Variants in FHIT observed in about 807,000 individuals in gnomAD.
FHIT encodes the protein bis(5'-adenosyl)-triphosphatase.
A neutral mutation model predicts 17.9 loss-of-function variants in FHIT; 19 were observed. The observed-to-expected ratio is 1.06, with a 90% confidence interval of 0.74 to 1.56. The LOEUF (loss-of-function observed/expected upper bound fraction) is 1.56, where lower values mean the gene tolerates loss of function less well. Among genes scored for constraint, FHIT ranks in the 40% most tolerant of loss-of-function variants. FHIT has a pLI of 0.00. For missense variants in FHIT, 248 were observed against 189.2 expected (o/e 1.31, Z -1.82); for synonymous variants, 81 against 69.7 (o/e 1.16, Z -0.81).
intron 4 of FHIT, among the ~76,000 whole-genome samples, chr3:60,584,690 A>G (rs1553661041): frequency 1.3e-5 from 2 of 152,050 alleles, no homozygotes; most frequent in Non-Finnish European, 2.9e-5. Context: ...ACAAAAGGAA[A>G]GAAGTTACAA....
chr3:60,643,436 CA>C (rs1265502016), intron 4 of FHIT, among the ~76,000 whole-genome samples: 1 of 152,062 alleles, frequency 6.6e-6, no homozygotes, highest in East Asian at 1.9e-4. Context: ...AAAGAACCTG[CA>C]TAGACAAAGC....
intron 4 of FHIT, among the ~76,000 whole-genome samples, chr3:60,701,297 C>A (rs373591882): frequency 6.6e-5 from 10 of 151,938 alleles, no homozygotes; most frequent in African/African-American, 2.4e-4. Flanking sequence ...CCAGTGGGTT[C>A]TCCTTGCCTA....
chr3:60,701,464 G>A (rs997762947), intron 4 of FHIT, among the ~76,000 whole-genome samples: 4 of 152,232 alleles, frequency 2.6e-5, no homozygotes, highest in Non-Finnish European at 5.9e-5. Context: ...GAATAATGTG[G>A]TGGATAGGGG....
At chr3:60,595,561 A>ATG (rs1368281165) in intron 4 of FHIT, among the ~76,000 whole-genome samples, 6 of 151,266 alleles carry the variant, frequency 4.0e-5, no homozygotes, top group Non-Finnish European at 5.9e-5. Flanking sequence ...ATATGGACAT[A>ATG]TGTGTATATA....
At chr3:60,948,139 C>T (rs1708717656) in intron 3 of FHIT, among the ~76,000 whole-genome samples, 1 of 152,184 alleles carries the variant, frequency 6.6e-6, no homozygotes, top group African/African-American at 2.4e-5. Context: ...ATTGTCCTCA[C>T]TTAGACCAGG....
rs147240591 is a variant in FHIT, at chr3:59,943,658, C to A, written c.280-21244G>T. Among the ~76,000 whole-genome samples the A allele has an allele frequency of 2.5e-3, 377 of 152,262 alleles. 2 individuals are homozygous for A. Among genetic ancestry groups the A allele is most frequent in the African/African-American group, 8.5e-3 (355 of 41,552 alleles). On this transcript the variant is annotated intron_variant, in intron 7 of 9. Coordinates refer to ENST00000492590, the MANE Select transcript of FHIT (RefSeq NM_002012.4). ...AAGACTTTGCTACTCTCTCAAGTAC[C>A]AAGAACAGCCTTGGAGTGGAAGAAA...
chr3:60,774,391 C>T lies in FHIT; in HGVS notation c.-18+47528G>A, dbSNP rs190489677. 8.7e-4 allele frequency among the ~76,000 whole-genome samples: 132 copies of T among 152,286 alleles called. 2 individuals are homozygous for T. In the South Asian group the frequency reaches 0.026, roughly 30 times the overall value. On this transcript the variant is annotated intron_variant, in intron 4 of 9. Transcript: ENST00000492590. ...TCTCAGCTCACTGCAACCTCTGCCTCTCGCGTTCATGCAATTGTCCTGCCT... is the reference window on the plus strand; with the variant it reads ...TCTCAGCTCACTGCAACCTCTGCCTTTCGCGTTCATGCAATTGTCCTGCCT...
intron 3 of FHIT, among the ~76,000 whole-genome samples, chr3:60,834,549 T>C (rs529777233): frequency 2.6e-5 from 4 of 152,262 alleles, no homozygotes; most frequent in African/African-American, 4.8e-5. Flanking sequence ...CCTGTAGTTA[T>C]TCTTTTCATT....
In FHIT at chr3:60,439,789, A is replaced by G. The variant is rs1025351335; in HGVS notation, c.103+97071T>C. ...CATATATCATTTTAGAACGGAAGGAATATTCCAGACTTGCTGCTCAAGAAA... is the reference window on the plus strand; with the variant it reads ...CATATATCATTTTAGAACGGAAGGAGTATTCCAGACTTGCTGCTCAAGAAA... On this transcript the variant is annotated intron_variant, in intron 5 of 9. Transcript: ENST00000492590. Among the ~76,000 whole-genome samples, 5 of 152,092 alleles carry G rather than the reference A, an allele frequency of 3.3e-5. No individual in the cohort carries two copies. The South Asian group carries it at 1.0e-3, about 32-fold the overall frequency.
Position 60,936,961 on chromosome 3 carries a change from A to T in FHIT, c.-111+105086T>A, listed in dbSNP as rs78681821. 9.7e-4 allele frequency among the ~76,000 whole-genome samples: 148 copies of T among 152,086 alleles called. 1 individual carries two copies. In the East Asian group the frequency reaches 0.02, roughly 21 times the overall value. On this transcript the variant is annotated intron_variant, in intron 3 of 9. Transcript: ENST00000492590. ...TTCAGTTGACTTTTTACAAATGACT[A>T]AACTGTATTGCTAAGCAAAGGGATG... is the stretch of plus-strand genomic sequence containing the variant.
intron 3 of FHIT, among the ~76,000 whole-genome samples, chr3:60,848,296 T>C (rs907302613): frequency 3.9e-5 from 6 of 152,200 alleles, no homozygotes; most frequent in Admixed American, 3.9e-4. Flanking sequence ...GGGTTTTCAT[T>C]TAGAAACTAT....
At chr3:60,631,265 T>C (rs1373053415) in intron 4 of FHIT, among the ~76,000 whole-genome samples, 2 of 152,138 alleles carry the variant, frequency 1.3e-5, no homozygotes, top group Non-Finnish European at 2.9e-5. Flanking sequence ...TTGATTTGGG[T>C]TGTACTAGGC....
At chr3:60,186,782 C>A (rs11925198) in intron 5 of FHIT, among the ~76,000 whole-genome samples, 1,694 of 151,260 alleles carry the variant, frequency 0.011, 31 homozygotes, top group African/African-American at 0.04. Flanking sequence ...GCCATGCCCG[C>A]AAACTTTGTA....
chr3:61,127,976 G>A (rs2036659047), intron 2 of FHIT, among the ~76,000 whole-genome samples: 1 of 152,196 alleles, frequency 6.6e-6, no homozygotes, highest in African/African-American at 2.4e-5. Context: ...AAGAGGCTTT[G>A]TTAAAACGAA....
At chr3:60,369,399 G>A (rs1392581061) in intron 5 of FHIT, among the ~76,000 whole-genome samples, 1 of 152,112 alleles carries the variant, frequency 6.6e-6, no homozygotes, top group Non-Finnish European at 1.5e-5. Flanking sequence ...TATAGCTATG[G>A]TAACTCTAAT....
intron 8 of FHIT, among the ~76,000 whole-genome samples, chr3:59,861,249 C>T (rs1381390249): frequency 6.6e-6 from 1 of 152,054 alleles, no homozygotes; most frequent in Non-Finnish European, 1.5e-5. Context: ...ACACCATGTA[C>T]AAAGATGATG....
intron 5 of FHIT, among the ~76,000 whole-genome samples, chr3:60,219,236 C>T (rs1284191347): frequency 1.3e-5 from 2 of 152,022 alleles, no homozygotes; most frequent in Non-Finnish European, 2.9e-5. Flanking sequence ...CCTCGTAATC[C>T]TTCTGTGGAC....
chr3:60,975,028 A>T (rs780900099), intron 3 of FHIT, among the ~76,000 whole-genome samples: 2 of 152,186 alleles, frequency 1.3e-5, no homozygotes, highest in Non-Finnish European at 2.9e-5. Context: ...AGTTATGGTT[A>T]CTGATGGTAG....
intron 5 of FHIT, among the ~76,000 whole-genome samples, chr3:60,320,110 A>T (rs995516453): frequency 1.3e-5 from 2 of 152,136 alleles, no homozygotes; most frequent in Non-Finnish European, 2.9e-5. Context: ...TTTAAGTTAC[A>T]CCATTTAAAA....
Sources: gnomAD v4.1 joint callset for allele counts (sites outside exome capture counted in the v4.1 genomes callset) on GRCh38, gnomAD v4.1.1 for gene constraint, MANE v1.5 for transcripts, NCBI Gene and HGNC (gene_info 2026-07-23, HGNC 2026-07-21) for gene names.